ANKRD36C: variants seen among roughly 807,000 people sequenced by gnomAD.
ANKRD36C encodes the protein ankyrin repeat domain 36C.
Under a neutral mutation model 276.4 loss-of-function variants are expected in ANKRD36C, and 61 were observed. The observed-to-expected ratio is 0.22, with a 90% CI of 0.18 to 0.27. The LOEUF (loss-of-function observed/expected upper bound fraction) is 0.27, where lower values mean the gene tolerates loss of function less well. ANKRD36C is among the 10% of genes least tolerant of loss of function. ANKRD36C has a pLI of 1.00. For synonymous variants in ANKRD36C, 483 were observed against 680.1 expected (o/e 0.71, Z 4.51); for missense variants, 1,447 against 2,032.3 (o/e 0.71, Z 5.54).
At chr2:95,857,270 A>G in intron 62 of ANKRD36C, 39 bp downstream of exon 82, 2 of 1,576,460 alleles carry the variant, frequency 1.3e-6, no homozygotes, top group Non-Finnish European at 1.7e-6. Context: ...TAATATTAAT[A>G]AGAGTAGAAA....
chr2:95,858,760 T>C (rs962186053), intron 61 of ANKRD36C, among the ~76,000 whole-genome samples: 1 of 151,056 alleles, frequency 6.6e-6, no homozygotes, highest in Non-Finnish European at 1.5e-5. Context: ...AGGTTAAGAA[T>C]GTAATATGTT....
downstream of ANKRD36C, among the ~76,000 whole-genome samples, chr2:95,850,925 A>G (rs1675279145): frequency 6.6e-6 from 1 of 152,228 alleles, no homozygotes. Flanking sequence ...CCAGAAAAAA[A>G]GGGATACACA....
At chr2:95,921,109 C>A (rs1443348903) in intron 34 of ANKRD36C, among the ~76,000 whole-genome samples, 1 of 150,616 alleles carries the variant, frequency 6.6e-6, no homozygotes, top group Non-Finnish European at 1.5e-5. Context: ...TAAATAACTT[C>A]TTTTCCCTCC....
chr2:95,969,097 T>G (rs1678650294), intron 6 of ANKRD36C, among the ~76,000 whole-genome samples: 1 of 152,066 alleles, frequency 6.6e-6, no homozygotes, highest in South Asian at 2.1e-4. Flanking sequence ...TTATGAAAGC[T>G]TCATTACATA....
At chr2:95,918,479 GC>G (rs1677175538) in intron 34 of ANKRD36C, among the ~76,000 whole-genome samples, 1 of 151,510 alleles carries the variant, frequency 6.6e-6, no homozygotes, top group Non-Finnish European at 1.5e-5. Flanking sequence ...TCTTTAACTT[GC>G]CCAATAACTG....
intron 29 of ANKRD36C, 32 bp from the exon 30 acceptor site, chr2:95,925,456 C>T (rs776587174): frequency 2.6e-6 from 4 of 1,547,340 alleles, no homozygotes; most frequent in Admixed American, 2.0e-5. Flanking sequence ...ATAGTCAATA[C>T]ATAATATATA....
chr2:95,912,874 A>C lies in ANKRD36C; in HGVS notation c.2552-439T>G, dbSNP rs905718771. Among the ~76,000 whole-genome samples, 16 of 151,370 alleles carry C rather than the reference A, an allele frequency of 1.1e-4. 1 individual carries two copies. In the East Asian group the frequency reaches 1.8e-3, roughly 17 times the overall value. The stretch of plus-strand genomic sequence containing the variant: ...AACATTCATCATGCTCTTTAACTTG[A>C]CCAATAACCGAGAAGGCACACAATT... On this transcript the variant is annotated intron_variant, in intron 40 of 66. Coordinates refer to ENST00000456556, the Ensembl canonical transcript of ANKRD36C.
intron 40 of ANKRD36C, 149 bp from the exon 43 acceptor site, chr2:95,912,584 G>C (rs988925283): frequency 6.8e-7 from 1 of 1,467,514 alleles, no homozygotes; most frequent in African/African-American, 1.4e-5. Flanking sequence ...GGACCAGAAC[G>C]TGACAGAAAC....
chr2:95,902,274 T>C (rs1047286616), intron 42 of ANKRD36C, among the ~76,000 whole-genome samples: 2 of 149,018 alleles, frequency 1.3e-5, no homozygotes, highest in African/African-American at 4.9e-5. Context: ...ATACCATTGT[T>C]TCCTGCTTCC....
chr2:95,918,757 C>G (rs1677185601), intron 34 of ANKRD36C, among the ~76,000 whole-genome samples: 1 of 151,428 alleles, frequency 6.6e-6, no homozygotes, highest in South Asian at 2.1e-4. Context: ...TCAATTTTGA[C>G]ATACTTCTAC....
chr2:95,889,533 T>C (rs1040843266), intron 48 of ANKRD36C, among the ~76,000 whole-genome samples: 1 of 151,614 alleles, frequency 6.6e-6, no homozygotes, highest in African/African-American at 2.4e-5. Context: ...AAAATGATGC[T>C]GTCCCCTGAG....
intron 13 of ANKRD36C, among the ~76,000 whole-genome samples, chr2:95,956,399 A>G (rs1224480043): frequency 1.3e-5 from 2 of 152,250 alleles, no homozygotes; most frequent in African/African-American, 4.8e-5. Context: ...GAGTTAATAT[A>G]TAACAAAATG....
At chr2:95,873,588 T>C (rs1675866292) in intron 59 of ANKRD36C, among the ~76,000 whole-genome samples, 1 of 152,202 alleles carries the variant, frequency 6.6e-6, no homozygotes, top group Non-Finnish European at 1.5e-5. Flanking sequence ...ACTGGAAGCA[T>C]TCCCTTTGAA....
At chr2:95,926,316 C>T (rs1234343419) in intron 28 of ANKRD36C, among the ~76,000 whole-genome samples, 1 of 151,554 alleles carries the variant, frequency 6.6e-6, no homozygotes, top group Non-Finnish European at 1.5e-5. Flanking sequence ...TAACCTTTTA[C>T]ATTTGGAAAT....
At chr2:95,917,967 A>G in intron 35 of ANKRD36C, 40 bp from the exon 38 acceptor site, 1 of 1,598,606 alleles carries the variant, frequency 6.3e-7, no homozygotes, top group Non-Finnish European at 8.5e-7. Context: ...TAAATAAATC[A>G]ATGAAGTATG....
At chr2:95,891,991 G>A (rs145367784) in intron 44 of ANKRD36C, 131 bp from the exon 65 acceptor site, 42,037 of 1,448,004 alleles carry the variant, frequency 0.029, 749 homozygotes, top group Non-Finnish European at 0.035. Flanking sequence ...CTTCTACTTT[G>A]TGTCTGAGGA....
chr2:95,966,271 G>A, intron 6 of ANKRD36C, among the ~76,000 whole-genome samples: 1 of 152,140 alleles, frequency 6.6e-6, no homozygotes, highest in Non-Finnish European at 1.5e-5. Flanking sequence ...GTACTGCCTA[G>A]GTTTTCATCC....
At chr2:95,949,125 G>A (rs947385518) in intron 16 of ANKRD36C, among the ~76,000 whole-genome samples, 8 of 152,144 alleles carry the variant, frequency 5.3e-5, no homozygotes, top group African/African-American at 1.9e-4. Context: ...AGGGCCCACT[G>A]ATTCTCTTCA....
intron 42 of ANKRD36C, among the ~76,000 whole-genome samples, 174 bp downstream of exon 44, chr2:95,912,070 G>T (rs907375161): frequency 2.6e-5 from 4 of 151,376 alleles, no homozygotes; most frequent in African/African-American, 7.3e-5. Flanking sequence ...TTACAGTGAA[G>T]ATCATGTTCC....
Sources: gnomAD v4.1 joint callset for allele counts (sites outside exome capture counted in the v4.1 genomes callset) on GRCh38, gnomAD v4.1.1 for gene constraint, MANE v1.5 for transcripts, NCBI Gene and HGNC (gene_info 2026-07-23, HGNC 2026-07-21) for gene names.